Variants in IL2RB observed in about 807,000 individuals in gnomAD.
IL2RB encodes the protein interleukin-2 receptor subunit beta.
Under a neutral mutation model 44.2 loss-of-function variants are expected in IL2RB, and 17 were observed. That is an observed-to-expected ratio of 0.38 (90% CI 0.26 to 0.58). The LOEUF is 0.58. Among genes scored for constraint, IL2RB ranks in the 20% least tolerant of loss-of-function variants. The probability of loss-of-function intolerance (pLI) is 0.63; values close to 1 mark genes in which losing one functional copy is unlikely to be tolerated. For missense variants in IL2RB, 624 were observed against 685.5 expected, an observed-to-expected ratio of 0.91 and a Z score of 1.00; for synonymous variants, 286 against 297.9, an observed-to-expected ratio of 0.96 and a Z score of 0.41.
At chr22:37,130,026 G>C (rs1315637890) in intron 9 of IL2RB, among the ~76,000 whole-genome samples, 1 of 152,006 alleles carries the variant, frequency 6.6e-6, no homozygotes, top group Non-Finnish European at 1.5e-5. Flanking sequence ...CTGCTCCGCA[G>C]ACACACACAC....
upstream of IL2RB, among the ~76,000 whole-genome samples, chr22:37,154,575 C>CTTTTTT (rs57147928): frequency 4.2e-5 from 6 of 141,608 alleles, no homozygotes; most frequent in Non-Finnish European, 3.1e-5. Flanking sequence ...CTTTTTTTTT[C>CTTTTTT]TTTTTTTTTT....
chr22:37,163,408 C>A (rs774185331), intron 1 of IL2RB, among the ~76,000 whole-genome samples: 2 of 152,180 alleles, frequency 1.3e-5, no homozygotes, highest in African/African-American at 2.4e-5. Flanking sequence ...CAAGACTTCA[C>A]CAAATGCAGG....
In IL2RB at chr22:37,135,360, G is replaced by A; in HGVS notation, c.786C>T (p.Tyr262=). 6.2e-7 allele frequency: 1 copy of A among 1,613,836 alleles called. No homozygotes were observed. Among genetic ancestry groups the A allele is most frequent in the Non-Finnish European group, 8.5e-7 (1 of 1,179,768 alleles). ...SGAFGFIILV[Y]LLINCRNTGP... ...CGGTGTTCCTGCAGTTGATCAGCAA[G>A]TACACTAAGATGATGAAGCCAAAAG... Residue 262 remains tyrosine, a synonymous_variant, in exon 8 of 10, where the codon TAC becomes TAT. Coordinates refer to ENST00000216223, the MANE Select transcript of IL2RB (RefSeq NM_000878.5).
At chr22:37,137,413 T>C (rs1204335825) in intron 6 of IL2RB, among the ~76,000 whole-genome samples, 174 bp downstream of exon 6, 2 of 152,078 alleles carry the variant, frequency 1.3e-5, no homozygotes, top group African/African-American at 4.8e-5. Context: ...GGGGGCTAGA[T>C]AAGGACGTGG....
At chr22:37,169,192 G>T (rs1923184288) in intron 1 of IL2RB, among the ~76,000 whole-genome samples, 2 of 151,172 alleles carry the variant, frequency 1.3e-5, no homozygotes, top group African/African-American at 4.9e-5. Flanking sequence ...CTTACTTACA[G>T]AGGGGTTCTG....
At chr22:37,160,382 T>G (rs1402584997) in intron 1 of IL2RB, among the ~76,000 whole-genome samples, 2 of 152,148 alleles carry the variant, frequency 1.3e-5, no homozygotes, top group African/African-American at 4.8e-5. Flanking sequence ...GCATGATCAC[T>G]AAGGAAGCCT....
At chr22:37,144,878 G>A (rs532464060) in intron 1 of IL2RB, among the ~76,000 whole-genome samples, 1 of 152,168 alleles carries the variant, frequency 6.6e-6, no homozygotes, top group South Asian at 2.1e-4. Flanking sequence ...ACAGAGTCAC[G>A]TAAGCTCACT....
At chr22:37,130,936 G>A (rs894491766) in intron 9 of IL2RB, among the ~76,000 whole-genome samples, 1 of 152,246 alleles carries the variant, frequency 6.6e-6, no homozygotes, top group Non-Finnish European at 1.5e-5. Context: ...GGAGGCCGAG[G>A]CGGGCAGATC....
intron 1 of IL2RB, among the ~76,000 whole-genome samples, chr22:37,171,593 A>T (rs183908879): frequency 1.4e-4 from 21 of 152,342 alleles, no homozygotes; most frequent in African/African-American, 5.1e-4. Context: ...TGAAGGAAGG[A>T]GGGAGCCAGG....
At chr22:37,164,589 C>T (rs1923003747) in intron 1 of IL2RB, among the ~76,000 whole-genome samples, 1 of 152,062 alleles carries the variant, frequency 6.6e-6, no homozygotes, top group Non-Finnish European at 1.5e-5. Flanking sequence ...CCGGGCAAGC[C>T]ACCTCTCCCC....
intron 1 of IL2RB, among the ~76,000 whole-genome samples, chr22:37,147,311 C>T (rs1922272331): frequency 6.6e-6 from 1 of 152,220 alleles, no homozygotes; most frequent in East Asian, 1.9e-4. Flanking sequence ...GATAAGAGGC[C>T]TTTCTGGAAT....
At chr22:37,173,820 T>C (rs1168568272) in intron 1 of IL2RB, among the ~76,000 whole-genome samples, 1 of 152,158 alleles carries the variant, frequency 6.6e-6, no homozygotes, top group African/African-American at 2.4e-5. Flanking sequence ...CCCAAGAGCT[T>C]GAAGCCTCGT....
intron 3 of IL2RB, among the ~76,000 whole-genome samples, chr22:37,142,986 C>T (rs916775410): frequency 6.6e-6 from 1 of 151,698 alleles, no homozygotes; most frequent in African/African-American, 2.4e-5. Flanking sequence ...CTGTGGTCTT[C>T]CTCTTCTCCC....
chr22:37,163,447 G>C (rs555785948), intron 1 of IL2RB, among the ~76,000 whole-genome samples: 4 of 152,144 alleles, frequency 2.6e-5, no homozygotes, highest in Non-Finnish European at 5.9e-5. Context: ...AGAAATGGGG[G>C]GGCCGCTTCT....
At chr22:37,142,577 C>A in intron 3 of IL2RB, 65 bp from the exon 4 acceptor site, 1 of 1,485,572 alleles carries the variant, frequency 6.7e-7, no homozygotes, top group Non-Finnish European at 9.4e-7. Flanking sequence ...CCAAGGGACT[C>A]TTCTCAGATC....
intron 5 of IL2RB, 105 bp from the exon 6 acceptor site, chr22:37,137,840 C>A: frequency 9.7e-7 from 1 of 1,032,462 alleles, no homozygotes; most frequent in Non-Finnish European, 1.4e-6. Flanking sequence ...CTCCCCTACC[C>A]CCCGACCCAA....
At chr22:37,154,927 T>C (rs1922626809) in intron 1 of IL2RB, among the ~76,000 whole-genome samples, 1 of 152,132 alleles carries the variant, frequency 6.6e-6, no homozygotes, top group African/African-American at 2.4e-5. Flanking sequence ...CAGTGAAGTT[T>C]TGGGTAGAGG....
intron 5 of IL2RB, among the ~76,000 whole-genome samples, chr22:37,138,196 C>T (rs1921800917): frequency 6.6e-6 from 1 of 152,160 alleles, no homozygotes; most frequent in Non-Finnish European, 1.5e-5. Flanking sequence ...CATGGATCAT[C>T]TCATTTATTT....
rs1424264046 is a variant in IL2RB, at chr22:37,135,376, A to G, written c.770T>C (p.Phe257Ser). 1.2e-6 allele frequency: 2 copies of G among 1,613,938 alleles called. No homozygotes were observed. Among genetic ancestry groups the G allele is most frequent in the Non-Finnish European group, 1.7e-6 (2 of 1,179,884 alleles). The change falls in exon 8 of 10, where the codon TTC (phenylalanine) becomes TCC (serine). Residue 257 changes from phenylalanine (F) to serine (S), a missense_variant. By Grantham distance (155) the Phe-to-Ser change is radical. This residue lies in a region of IL2RB where 255 missense variants were observed against 339.9 expected (regional missense o/e 0.75). Transcript: ENST00000216223. ...LLVGLSGAFG[F>S]IILVYLLINC... ...GATCAGCAAGTACACTAAGATGATG[A>G]AGCCAAAAGCCCCGCTGAGGCCCAC...
Sources: gnomAD v4.1 joint callset for allele counts (sites outside exome capture counted in the v4.1 genomes callset) on GRCh38, gnomAD v4.1.1 for gene constraint, gnomAD v4.1.1 regional missense constraint, MANE v1.5 for transcripts, NCBI Gene and HGNC (gene_info 2026-07-23, HGNC 2026-07-21) for gene names.